Variants in ARHGAP26 observed in about 807,000 individuals in gnomAD.
ARHGAP26 encodes the protein Rho GTPase activating protein 26.
Under a neutral mutation model 104.8 loss-of-function variants are expected in ARHGAP26, and 38 were observed. The ratio of observed to expected loss-of-function variants is 0.36; its 90% confidence interval spans 0.28 to 0.48. ARHGAP26 has a LOEUF of 0.48. ARHGAP26 is among the 20% of genes least tolerant of loss of function. ARHGAP26 has a pLI of 0.99. For synonymous variants in ARHGAP26, 341 were observed against 340.0 expected (o/e 1.00, Z -0.03); for missense variants, 704 against 947.9 (o/e 0.74, Z 3.38).
At chr5:143,012,561 A>ATATATATATATATATATG (rs1329858755) in intron 11 of ARHGAP26, among the ~76,000 whole-genome samples, 1 of 76,834 alleles carries the variant, frequency 1.3e-5, no homozygotes, top group African/African-American at 3.6e-5. Flanking sequence ...ACATATATAT[A>ATATATATATATATATATG]TATATATATA....
At chr5:142,932,794 T>C (rs530039134) in intron 11 of ARHGAP26, among the ~76,000 whole-genome samples, 1 of 152,378 alleles carries the variant, frequency 6.6e-6, no homozygotes, top group African/African-American at 2.4e-5. Flanking sequence ...ATGGGCTCCA[T>C]TGACTATAGA....
At chr5:142,919,254 C>A (rs537648983) in intron 10 of ARHGAP26, 2 of 398,362 alleles carry the variant, frequency 5.0e-6, no homozygotes, top group Admixed American at 8.8e-5. Context: ...GAGAAGATAC[C>A]GTGTTAACAT....
chr5:143,167,082 TTGA>T (rs896309528), intron 20 of ARHGAP26, among the ~76,000 whole-genome samples: 2 of 152,126 alleles, frequency 1.3e-5, no homozygotes, highest in African/African-American at 4.8e-5. Flanking sequence ...CAAGACAGTA[TTGA>T]TTTTTATAAT....
At chr5:142,848,879 G>A (rs1016182765) in intron 1 of ARHGAP26, among the ~76,000 whole-genome samples, 4 of 152,150 alleles carry the variant, frequency 2.6e-5, no homozygotes, top group African/African-American at 7.2e-5. Flanking sequence ...TTTCTTTCCC[G>A]CCTACTTGGT....
intron 17 of ARHGAP26, among the ~76,000 whole-genome samples, chr5:143,086,356 A>G (rs1236890954): frequency 1.3e-5 from 2 of 150,480 alleles, no homozygotes; most frequent in East Asian, 1.9e-4. Context: ...CTTTATTTTT[A>G]GAGTCTTATA....
chr5:143,205,225 C>G (rs547797255), intron 20 of ARHGAP26, among the ~76,000 whole-genome samples: 1 of 152,112 alleles, frequency 6.6e-6, no homozygotes, highest in African/African-American at 2.4e-5. Flanking sequence ...CGCTTCTTGT[C>G]AAATATATTT....
intron 17 of ARHGAP26, among the ~76,000 whole-genome samples, chr5:143,084,121 A>G (rs1390949004): frequency 6.6e-6 from 1 of 152,192 alleles, no homozygotes; most frequent in African/African-American, 2.4e-5. Context: ...GAATTTAACA[A>G]CCTTCAAAAG....
chr5:143,070,920 A>C (rs1407656289), intron 17 of ARHGAP26, among the ~76,000 whole-genome samples: 3 of 152,160 alleles, frequency 2.0e-5, no homozygotes, highest in Non-Finnish European at 4.4e-5. Flanking sequence ...GCAGAAAAAA[A>C]AACAACAAAA....
rs534379457 is a variant in ARHGAP26, at chr5:143,082,321, T to G, written c.1538+24574T>G. Among the ~76,000 whole-genome samples, 34 of 152,300 alleles carry G rather than the reference T, an allele frequency of 2.2e-4. No individual in the cohort carries two copies. The East Asian group carries it at 5.4e-3, about 24-fold the overall frequency. ...TTCTCTCTGGACTGTCACAAAAATATGGAGTTGTGTTTACTGTTCCCATCC... is the reference window on the plus strand; with the variant it reads ...TTCTCTCTGGACTGTCACAAAAATAGGGAGTTGTGTTTACTGTTCCCATCC... On this transcript the variant is annotated intron_variant, in intron 17 of 22. Transcript: ENST00000645722.
intron 11 of ARHGAP26, among the ~76,000 whole-genome samples, chr5:142,981,840 C>T (rs1399131261): frequency 6.6e-6 from 1 of 152,212 alleles, no homozygotes; most frequent in Non-Finnish European, 1.5e-5. Context: ...AATTCAGCAC[C>T]CATTCCTTGC....
At chr5:142,875,425 T>C (rs1755946953) in intron 3 of ARHGAP26, among the ~76,000 whole-genome samples, 1 of 152,184 alleles carries the variant, frequency 6.6e-6, no homozygotes, top group Admixed American at 6.5e-5. Flanking sequence ...TCATAAGGTG[T>C]ATGACTTAAG....
At chr5:142,844,566 G>A (rs895186582) in intron 1 of ARHGAP26, among the ~76,000 whole-genome samples, 1 of 152,040 alleles carries the variant, frequency 6.6e-6, no homozygotes, top group Non-Finnish European at 1.5e-5. Flanking sequence ...GAGAACTCCA[G>A]AATAAGAACT....
At chr5:142,787,641 C>T (rs1758935466) in intron 1 of ARHGAP26, among the ~76,000 whole-genome samples, 1 of 152,016 alleles carries the variant, frequency 6.6e-6, no homozygotes, top group Non-Finnish European at 1.5e-5. Context: ...GACTTTCTGT[C>T]TACATAGGTT....
chr5:143,004,052 C>T (rs930931926), intron 11 of ARHGAP26, among the ~76,000 whole-genome samples: 4 of 145,968 alleles, frequency 2.7e-5, no homozygotes, highest in Admixed American at 6.8e-5. Flanking sequence ...AAGTGACGTA[C>T]GGAAATCAGA....
chr5:142,855,355 CTGGT>C (rs1752180919), intron 1 of ARHGAP26, among the ~76,000 whole-genome samples: 1 of 152,096 alleles, frequency 6.6e-6, no homozygotes, highest in African/African-American at 2.4e-5. Flanking sequence ...TAGGAGGCTG[CTGGT>C]TGGTCTGAGA....
chr5:143,172,477 A>G (rs932887805), intron 20 of ARHGAP26, among the ~76,000 whole-genome samples: 1 of 152,236 alleles, frequency 6.6e-6, no homozygotes, highest in Non-Finnish European at 1.5e-5. Flanking sequence ...CAAAAAAAGC[A>G]TGCCAGTTCA....
In ARHGAP26 at chr5:143,037,372, A is replaced by G. The variant is rs1002144652; in HGVS notation, c.1210+111A>G. 6 of 812,504 alleles carry G rather than the reference A, an allele frequency of 7.4e-6. No individual in the cohort carries two copies. In the Admixed American group the frequency reaches 8.1e-5, roughly 11 times the overall value. The allele number at this position is 812,504 out of a possible 1,614,324, so 50.3% of individuals were successfully genotyped here. A position where few individuals can be genotyped will look rare whatever the true frequency, so the allele number is the denominator to read the frequency against. On this transcript the variant is annotated intron_variant, in intron 13 of 22. Transcript: ENST00000645722. Reference sequence around the variant, plus strand: ...CTTTAAGTGACTCATTAGCTCCCCAAGTGCCATTGTCAGTGGATTTCCACA... The same window carrying G: ...CTTTAAGTGACTCATTAGCTCCCCAGGTGCCATTGTCAGTGGATTTCCACA...
At chr5:143,115,547 T>C (rs1462243666) in intron 17 of ARHGAP26, among the ~76,000 whole-genome samples, 1 of 151,888 alleles carries the variant, frequency 6.6e-6, no homozygotes, top group African/African-American at 2.4e-5. Flanking sequence ...TAGGGGTTCC[T>C]GGGCAGGATA....
rs1562646219 is a variant in ARHGAP26, at chr5:143,224,520, T to C, written c.*2074T>C. On this transcript the variant is annotated 3_prime_UTR_variant, in exon 23 of 23. Coordinates refer to ENST00000645722, the MANE Select transcript of ARHGAP26 (RefSeq NM_001135608.3). ...TAAGTGGGGTCAGGCATTCGAGTTT[T>C]TGTCTTTCTTCTCAGGTGTATTTCT... 4.3e-6 allele frequency: 1 copy of C among 230,708 alleles called. No homozygotes were observed. The highest frequency in any genetic ancestry group is 8.6e-6 in the Non-Finnish European group (1 of 116,494). The allele number at this position is 230,708 out of a possible 1,614,324, so 14.3% of individuals were successfully genotyped here.
Sources: allele counts gnomAD v4.1 joint callset (sites outside exome capture counted in the v4.1 genomes callset), GRCh38; gene constraint gnomAD v4.1.1; transcripts MANE v1.5; gene names NCBI Gene and HGNC (gene_info 2026-07-23, HGNC 2026-07-21).